Variants in PHF20 observed in about 807,000 individuals in gnomAD.
PHF20 encodes the protein glioma-expressed antigen 2.
PHF20 carries 23 observed loss-of-function variants against 113.5 expected under a neutral mutation model. The observed-to-expected ratio is 0.20, with a 90% CI of 0.15 to 0.29. PHF20 has a LOEUF of 0.29. Ranked by LOEUF, PHF20 falls within the 10% of genes least tolerant of loss-of-function variation. The pLI is 1.00. For synonymous variants in PHF20, 434 were observed against 457.3 expected, an observed-to-expected ratio of 0.95 and a Z score of 0.65; for missense variants, 943 against 1,219.6, an observed-to-expected ratio of 0.77 and a Z score of 3.38.
At chr20:35,807,242 A>G (rs2041900151) in intron 2 of PHF20, among the ~76,000 whole-genome samples, 1 of 151,550 alleles carries the variant, frequency 6.6e-6, no homozygotes, top group Non-Finnish European at 1.5e-5. Context: ...TTCATGTTTT[A>G]CTTTATGAAC....
At chr20:35,947,328 C>T (rs114091734) in intron 17 of PHF20, among the ~76,000 whole-genome samples, 157 bp from the exon 18 acceptor site, 2,240 of 142,194 alleles carry the variant, frequency 0.016, 58 homozygotes, top group African/African-American at 0.052. Flanking sequence ...ACAGTGCTGG[C>T]TGAAATGGCC....
chr20:35,910,336 C>G (rs1329905720), intron 10 of PHF20, among the ~76,000 whole-genome samples: 1 of 152,076 alleles, frequency 6.6e-6, no homozygotes, highest in Admixed American at 6.6e-5. Flanking sequence ...AGAACTATAT[C>G]AAAGTGGTCG....
At chr20:35,786,125 A>G (rs543437952) in intron 1 of PHF20, among the ~76,000 whole-genome samples, 1 of 151,914 alleles carries the variant, frequency 6.6e-6, no homozygotes, top group East Asian at 1.9e-4. Flanking sequence ...GTGGTGGCTC[A>G]CGCCTGTAAT....
intron 1 of PHF20, among the ~76,000 whole-genome samples, chr20:35,781,406 C>T (rs1273473760): frequency 1.3e-5 from 2 of 152,074 alleles, no homozygotes; most frequent in Non-Finnish European, 2.9e-5. Context: ...CAGGCGTGAG[C>T]CACTGTGCCT....
At chr20:35,921,133 A>G (rs987393081) in intron 13 of PHF20, among the ~76,000 whole-genome samples, 18 of 152,116 alleles carry the variant, frequency 1.2e-4, no homozygotes, top group Admixed American at 4.6e-4. Context: ...GACAAGCGTG[A>G]TGCACATGGC....
chr20:35,864,096 G>T (rs1045266474), intron 6 of PHF20, among the ~76,000 whole-genome samples: 2 of 152,038 alleles, frequency 1.3e-5, no homozygotes, highest in South Asian at 4.2e-4. Context: ...GCATGAAGAG[G>T]CCCCCCCGGT....
intron 2 of PHF20, among the ~76,000 whole-genome samples, chr20:35,806,754 G>A (rs969292038): frequency 1.4e-4 from 21 of 149,818 alleles, no homozygotes; most frequent in African/African-American, 5.1e-4. Context: ...TGGTAAGACA[G>A]GTTTTATTTT....
chr20:35,787,588 A>G (rs1243001649), intron 1 of PHF20, among the ~76,000 whole-genome samples: 1 of 144,646 alleles, frequency 6.9e-6, no homozygotes, highest in Admixed American at 7.1e-5. Context: ...TCCTGGGTTC[A>G]AGCGATTCTC....
At chr20:35,924,192 C>CTTTTTTTTTTTT (rs767943006) in intron 13 of PHF20, among the ~76,000 whole-genome samples, 1 of 129,912 alleles carries the variant, frequency 7.7e-6, no homozygotes, top group Non-Finnish European at 1.7e-5. Context: ...CTTTTCTTTT[C>CTTTTTTTTTTTT]TTTTTTTTTT....
chr20:35,858,511 A>T, intron 5 of PHF20, 130 bp downstream of exon 5: 1 of 557,548 alleles, frequency 1.8e-6, no homozygotes. Flanking sequence ...CAATTTCACC[A>T]GAAAATAATA....
At chr20:35,916,273 T>C (rs2055402008) in intron 12 of PHF20, among the ~76,000 whole-genome samples, 1 of 152,254 alleles carries the variant, frequency 6.6e-6, no homozygotes, top group African/African-American at 2.4e-5. Flanking sequence ...CTTCAATTTG[T>C]AAAATAATAT....
At chr20:35,803,288 G>A (rs2041818598) in intron 2 of PHF20, among the ~76,000 whole-genome samples, 1 of 150,748 alleles carries the variant, frequency 6.6e-6, no homozygotes, top group Non-Finnish European at 1.5e-5. Context: ...AAAATAATTA[G>A]GTAATTAGGT....
At chr20:35,894,155 G>T (rs1343401968) in intron 9 of PHF20, among the ~76,000 whole-genome samples, 2 of 152,190 alleles carry the variant, frequency 1.3e-5, no homozygotes, top group African/African-American at 4.8e-5. Context: ...GAAATGAAGT[G>T]CTTTCAGGGT....
intron 5 of PHF20, among the ~76,000 whole-genome samples, chr20:35,862,600 G>A (rs770210045): frequency 6.6e-6 from 1 of 152,072 alleles, no homozygotes; most frequent in Non-Finnish European, 1.5e-5. Context: ...TGGGTGTGGT[G>A]AAACATGCCT....
At chr20:35,830,218 T>G (rs1421346935) in intron 2 of PHF20, among the ~76,000 whole-genome samples, 1 of 152,138 alleles carries the variant, frequency 6.6e-6, no homozygotes, top group Non-Finnish European at 1.5e-5. Flanking sequence ...CCGGCCTGAT[T>G]TTTTCATCTC....
chr20:35,863,042 A>T lies in PHF20; in HGVS notation c.450A>T (p.Glu150Asp). 2 of 1,594,600 alleles carry T rather than the reference A, an allele frequency of 1.3e-6. No individual in the cohort carries two copies. The highest frequency in any genetic ancestry group is 1.7e-6 in the Non-Finnish European group (2 of 1,174,938). The stretch of plus-strand genomic sequence containing the variant: ...TTGTGGGTAATGCTAGGCCTAAAGA[A>T]ACAGATCACAAAAGTCTTTCATCAT... ...QNIVGNARPK[E>D]TDHKSLSSSP... is the part of the protein sequence containing the mutation. The change falls in exon 6 of 18, where the codon GAA becomes GAT. Residue 150 changes from glutamate (E) to aspartate (D), a missense_variant. Around this residue, in one of 3 missense-constraint regions of PHF20, gnomAD observed 592 missense variants for 787.2 expected, o/e 0.75. Transcript: ENST00000374012.
Position 35,940,993 on chromosome 20 carries a change from T to G in PHF20, c.2842T>G (p.Ser948Ala). Residue 948 changes from serine to alanine, a missense_variant, in exon 17 of 18, where the codon TCT becomes GCT. Around this residue, in one of 3 missense-constraint regions of PHF20, gnomAD observed 349 missense variants for 412.3 expected, o/e 0.85. Transcript: ENST00000374012. ...WQFNLLTHVESLQDEVTHRMD... is the reference protein window; with the variant it reads ...WQFNLLTHVEALQDEVTHRMD... ...GTTTAACCTGCTGACCCATGTGGAA[T>G]CTCTTCAGGATGAAGTTACGCACAG... The G allele has an allele frequency of 6.2e-7, 1 of 1,614,140 alleles. No individual in the cohort carries two copies. The highest frequency in any genetic ancestry group is 2.2e-5 in the East Asian group (1 of 44,876).
rs1486738427 is a variant in PHF20, at chr20:35,850,442, G to A, written c.340+3008G>A. Among the ~76,000 whole-genome samples, 5 of 149,570 alleles carry A rather than the reference G, an allele frequency of 3.3e-5. No individual in the cohort carries two copies. The Admixed American group carries it at 3.4e-4, about 10-fold the overall frequency. On this transcript the variant is annotated intron_variant, in intron 4 of 17. Transcript: ENST00000374012. Reference sequence around the variant, plus strand: ...TCCTGCCTCAGCCTCCTGAGCAGCTGGGACTACAGGCACATGCCACACCAC... The same window carrying A: ...TCCTGCCTCAGCCTCCTGAGCAGCTAGGACTACAGGCACATGCCACACCAC...
chr20:35,816,747 C>T (rs530942347), intron 2 of PHF20, among the ~76,000 whole-genome samples: 123 of 148,904 alleles, frequency 8.3e-4, no homozygotes, highest in Non-Finnish European at 1.2e-3. Context: ...CCACTGCGCC[C>T]GGCCGATTTA....
Sources: gnomAD v4.1 joint callset for allele counts (sites outside exome capture counted in the v4.1 genomes callset) on GRCh38, gnomAD v4.1.1 for gene constraint, gnomAD v4.1.1 regional missense constraint, MANE v1.5 for transcripts, NCBI Gene and HGNC (gene_info 2026-07-23, HGNC 2026-07-21) for gene names.